Variants in AIFM1 observed in about 807,000 individuals in gnomAD.
The protein encoded by AIFM1 is apoptosis-inducing factor 1, mitochondrial.
A neutral mutation model predicts 51.7 loss-of-function variants in AIFM1; 3 were observed. The ratio of observed to expected loss-of-function variants is 0.06; its 90% CI spans 0.03 to 0.15. The LOEUF (loss-of-function observed/expected upper bound fraction) is 0.15. Among genes scored for constraint, AIFM1 ranks in the 10% least tolerant of loss-of-function variants. AIFM1 has a pLI of 1.00. For synonymous variants in AIFM1, 178 were observed against 179.4 expected (o/e 0.99, Z 0.06); for missense variants, 330 against 476.8 (o/e 0.69, Z 2.87).
At position 130,151,139 on chromosome X, in the gene AIFM1, ATTCTT is replaced by A. The variant is rs756065640; in HGVS notation, c.250-1576_250-1572del. 4.3e-3 allele frequency among the ~76,000 whole-genome samples: 470 copies of A among 108,412 alleles called. 2 individuals carry two copies. Among genetic ancestry groups the A allele is most frequent in the African/African-American group, 0.015 (449 of 29,800 alleles). 94.1% of individuals were successfully genotyped at this position (108,412 alleles called of 115,157 possible). On this transcript the variant is annotated intron_variant, in intron 2 of 15. Coordinates refer to ENST00000287295, the MANE Select transcript of AIFM1 (RefSeq NM_004208.4). ...AATCAGAGGAACTATCATAAAACAT[ATTCTT>A]TTCTTTTTTTTTTTGAGATGTAGTC...
Position 130,133,394 on chromosome X carries a change from T to C in AIFM1, c.1367A>G (p.Asp456Gly). 8.3e-7 allele frequency: 1 copy of C among 1,210,825 alleles called. No homozygotes were observed. Among genetic ancestry groups the C allele is most frequent in the Non-Finnish European group, 1.1e-6 (1 of 895,276 alleles). Residue 456 changes from aspartate to glycine, a missense_variant, in exon 13 of 16, where the codon GAT (aspartate) becomes GGT (glycine). Asp to Gly is a moderately conservative substitution (Grantham distance 94, BLOSUM62 -1). Coordinates refer to ENST00000287295, the MANE Select transcript of AIFM1 (RefSeq NM_004208.4). ...KLGRRRVEHHDHAVVSGRLAG... is the reference protein window; with the variant it reads ...KLGRRRVEHHGHAVVSGRLAG... ...CAATCTTCCACTCACAACAGCGTGA[T>C]CATGGTGCTCTACCCGCCTCCTTCC...
chrX:130,164,167 C>T (rs1049214992), intron 1 of AIFM1, among the ~76,000 whole-genome samples: 7 of 74,834 alleles, frequency 9.4e-5, no homozygotes, highest in Non-Finnish European at 1.4e-4. Flanking sequence ...GACTCCGTCT[C>T]AAAAAAAAAA....
At chrX:130,153,674 GGGAAGACACC>G (rs2031073987) in intron 2 of AIFM1, among the ~76,000 whole-genome samples, 1 of 110,536 alleles carries the variant, frequency 9.0e-6, no homozygotes, top group South Asian at 3.9e-4. Context: ...ATACAGGAAG[GGGAAGACACC>G]GGAGTTCCCT....
At position 130,130,154 on chromosome X, in the gene AIFM1, C is replaced by T. The variant is rs1227079178; in HGVS notation, c.1586G>A (p.Arg529Gln). 5.8e-6 allele frequency: 7 copies of T among 1,209,946 alleles called. No homozygotes were observed. The highest frequency in any genetic ancestry group is 1.8e-5 in the South Asian group (1 of 56,804). Residue 529 changes from arginine (R) to glutamine (Q), a missense_variant, in exon 15 of 16, where the codon CGA becomes CAA. Physicochemically the swap from Arg to Gln is conservative, Grantham distance 43 (BLOSUM62 1). Around this residue, in one of 4 missense-constraint regions of AIFM1, gnomAD observed 56 missense variants for 48.8 expected, o/e 1.15. Transcript: ENST00000287295. ...SATEQSGTGI[R>Q]SESETESEAS... ...CTCGGACTCTGTCTCACTCTCTGAT[C>T]GGATACCAGTTCCTGTGGCCAGCCC... is the stretch of plus-strand genomic sequence containing the variant.
intron 13 of AIFM1, 111 bp downstream of exon 13, chrX:130,133,202 C>A (rs1279361771): frequency 3.0e-5 from 31 of 1,025,172 alleles, no homozygotes; most frequent in Non-Finnish European, 4.1e-5. Context: ...ACTTTTTTCC[C>A]TTCTGTATGA....
At chrX:130,146,451 A>ATGTGTGTGTGTGTGTGTG (rs60694841) in intron 5 of AIFM1, among the ~76,000 whole-genome samples, 35 of 89,446 alleles carry the variant, frequency 3.9e-4, no homozygotes, top group African/African-American at 1.4e-3. Context: ...CTCTCAAAAT[A>ATGTGTGTGTGTGTGTGTG]TGTGTGTGTG....
intron 9 of AIFM1, among the ~76,000 whole-genome samples, chrX:130,138,192 G>A (rs2030431146): frequency 9.0e-6 from 1 of 111,723 alleles, no homozygotes; most frequent in Non-Finnish European, 1.9e-5. Context: ...TAGGCTGGGT[G>A]TGGTGGCTCA....
intron 2 of AIFM1, chrX:130,155,287 C>T: frequency 8.3e-7 from 1 of 1,209,403 alleles, no homozygotes; most frequent in Admixed American, 2.2e-5. Flanking sequence ...GACTGCACAA[C>T]TGTAGGTAAA....
chrX:130,134,731 G>A (rs936858157), intron 12 of AIFM1, among the ~76,000 whole-genome samples: 1 of 111,331 alleles, frequency 9.0e-6, no homozygotes, highest in Non-Finnish European at 1.9e-5. Context: ...TGTGGCATTT[G>A]AGCTCTCTAA....
chrX:130,138,259 A>T (rs1003237214), intron 9 of AIFM1, among the ~76,000 whole-genome samples: 1 of 110,709 alleles, frequency 9.0e-6, no homozygotes, highest in Non-Finnish European at 1.9e-5. Flanking sequence ...AGGTCAGGAG[A>T]TCGAGACAGT....
At chrX:130,160,004 T>G (rs1292858863) in intron 1 of AIFM1, among the ~76,000 whole-genome samples, 2 of 110,529 alleles carry the variant, frequency 1.8e-5, no homozygotes, top group Non-Finnish European at 3.8e-5. Flanking sequence ...CTATTTTTTG[T>G]AGATACGAGG....
Position 130,165,575 on chromosome X carries a change from G to A in AIFM1, c.82C>T (p.Pro28Ser). The change falls in exon 1 of 16, where the codon CCG (proline) becomes TCG (serine). Residue 28 changes from proline to serine, a missense_variant. Around this residue, in one of 4 missense-constraint regions of AIFM1, gnomAD observed 110 missense variants for 103.1 expected, o/e 1.07. Coordinates refer to ENST00000287295, the MANE Select transcript of AIFM1 (RefSeq NM_004208.4). ...CCTGGGAGCCGGTTCCTCTGCCTCGGGCTTCGGACGCACACGGTCCGCACC... is the reference window on the plus strand; with the variant it reads ...CCTGGGAGCCGGTTCCTCTGCCTCGAGCTTCGGACGCACACGGTCCGCACC... The part of the protein sequence containing the change: ...PLVRTVCVRS[P>S]RQRNRLPGNL... The A allele has an allele frequency of 8.3e-7, 1 of 1,198,780 alleles. No homozygotes were observed. The highest frequency in any genetic ancestry group is 1.8e-5 in the South Asian group (1 of 55,063).
chrX:130,149,944 G>A (rs981000834), intron 2 of AIFM1, among the ~76,000 whole-genome samples: 3 of 112,135 alleles, frequency 2.7e-5, no homozygotes, highest in African/African-American at 9.7e-5. Context: ...TTTGGACTAC[G>A]CTGGACACTA....
chrX:130,139,168 C>CAA (rs778059334), intron 8 of AIFM1, among the ~76,000 whole-genome samples: 20 of 92,879 alleles, frequency 2.2e-4, no homozygotes, highest in Admixed American at 5.9e-4. Context: ...ACTAAAAATA[C>CAA]AAAAAAAAAA....
intron 1 of AIFM1, 119 bp downstream of exon 1, chrX:130,165,432 A>G: frequency 1.6e-6 from 1 of 614,285 alleles, no homozygotes; most frequent in Non-Finnish European, 2.7e-6. Context: ...CCAATTTGGA[A>G]TTCACGTGAC....
chrX:130,134,794 C>T (rs1054194566), intron 12 of AIFM1, among the ~76,000 whole-genome samples: 1 of 111,856 alleles, frequency 8.9e-6, no homozygotes, highest in Non-Finnish European at 1.9e-5. Context: ...ACCTAAAAAT[C>T]CAACGAGTGA....
At position 130,139,814 on chromosome X, in the gene AIFM1, C is replaced by T. The variant is rs1297660872; in HGVS notation, c.839G>A (p.Arg280Lys). 8.3e-7 allele frequency: 1 copy of T among 1,210,837 alleles called. No homozygotes were observed. The highest frequency in any genetic ancestry group is 1.1e-6 in the Non-Finnish European group (1 of 894,746). ...IDRAGAEVKSRTTLFRKIGDF... is the reference protein window; with the variant it reads ...IDRAGAEVKSKTTLFRKIGDF... ...AATTACCTTTCTGAAAAGCGTTGTTCTACTCTTCACCTCTGCTCCAGCCCT... is the reference window on the plus strand; with the variant it reads ...AATTACCTTTCTGAAAAGCGTTGTTTTACTCTTCACCTCTGCTCCAGCCCT... Residue 280 changes from arginine (R) to lysine (K), a missense_variant, in exon 8 of 16, where the codon AGA becomes AAA. Coordinates refer to ENST00000287295, the MANE Select transcript of AIFM1 (RefSeq NM_004208.4).
intron 1 of AIFM1, among the ~76,000 whole-genome samples, chrX:130,160,771 G>A (rs140556314): frequency 0.013 from 1,392 of 110,118 alleles, 22 homozygotes; most frequent in African/African-American, 0.044. Flanking sequence ...GGGCAGGCGC[G>A]GTGGCTCACA....
At chrX:130,141,689 G>A (rs926304447) in intron 6 of AIFM1, among the ~76,000 whole-genome samples, 4 of 111,100 alleles carry the variant, frequency 3.6e-5, no homozygotes. Context: ...ATATTCCTAC[G>A]AATCACTGTT....
Sources: gnomAD v4.1 joint callset for allele counts (sites outside exome capture counted in the v4.1 genomes callset) on GRCh38, gnomAD v4.1.1 for gene constraint, gnomAD v4.1.1 regional missense constraint, MANE v1.5 for transcripts, NCBI Gene and HGNC (gene_info 2026-07-23, HGNC 2026-07-21) for gene names.